CD164: variants seen among roughly 807,000 people sequenced by gnomAD.
CD164 encodes CD164 molecule.
CD164 carries 11 observed loss-of-function variants against 24.6 expected under a neutral mutation model. The observed-to-expected ratio is 0.45, with a 90% CI of 0.28 to 0.74. CD164 has a LOEUF of 0.74. Ranked by LOEUF, CD164 falls within the 30% of genes least tolerant of loss-of-function variation. The pLI, the probability that CD164 is intolerant of heterozygous loss-of-function variation, is 0.13. For synonymous variants in CD164, 126 were observed against 100.3 expected (o/e 1.26, Z -1.53); for missense variants, 295 against 243.7 (o/e 1.21, Z -1.40).
intron 1 of CD164, chr6:109,381,672 C>G (rs1279927839): frequency 1.5e-6 from 1 of 681,402 alleles, no homozygotes; most frequent in Non-Finnish European, 2.7e-6. Context: ...CTCAAGCGAC[C>G]TTCTCAGACT....
Position 109,377,219 on chromosome 6 carries a change from A to C in CD164, c.331+681T>G, listed in dbSNP as rs139244324. 2.6e-3 allele frequency among the ~76,000 whole-genome samples: 394 copies of C among 152,388 alleles called. 1 individual carries two copies. The highest frequency in any genetic ancestry group is 9.1e-3 in the African/African-American group (377 of 41,596). Reference sequence around the variant, plus strand: ...TCTAATACTAATGAAATGTTCAGTTACAAAATTCACATTGGGATGGGGCAA... The same window carrying C: ...TCTAATACTAATGAAATGTTCAGTTCCAAAATTCACATTGGGATGGGGCAA... On this transcript the variant is annotated intron_variant, in intron 3 of 5. Coordinates refer to ENST00000310786, the MANE Select transcript of CD164 (RefSeq NM_006016.6).
At position 109,368,904 on chromosome 6, in the gene CD164, A is replaced by C; in HGVS notation, c.541T>G (p.Phe181Val). 7 of 1,613,646 alleles carry C rather than the reference A, an allele frequency of 4.3e-6. No homozygotes were observed. Among genetic ancestry groups the C allele is most frequent in the Non-Finnish European group, 5.9e-6 (7 of 1,179,838 alleles). ...GATTTGCAGAATTTATAAAGAAAGA[A>C]AATTACAGCCTGCACACCCAAGACC... Reference protein sequence around the residue: ...VLVLGVQAVIFFLYKFCKSKE... With the variant: ...VLVLGVQAVIVFLYKFCKSKE... Residue 181 changes from phenylalanine (F) to valine (V), a missense_variant, in exon 6 of 6, where the codon TTC becomes GTC. Physicochemically the swap from Phe to Val is conservative, Grantham distance 50. Coordinates refer to ENST00000310786, the MANE Select transcript of CD164 (RefSeq NM_006016.6).
At position 109,368,593 on chromosome 6, in the gene CD164, T is replaced by C. The variant is rs75406907; in HGVS notation, c.*258A>G. On this transcript the variant is annotated 3_prime_UTR_variant, in exon 6 of 6. Coordinates refer to ENST00000310786, the MANE Select transcript of CD164 (RefSeq NM_006016.6). ...TATTTGGCATGTTAAGGAAAAAAAA[T>C]ATAATCCCACAGCAGCAGCTATTTA... is the stretch of plus-strand genomic sequence containing the variant. 2.1e-4 allele frequency: 284 copies of C among 1,344,514 alleles called. 1 individual carries two copies. The African/African-American group carries it at 3.8e-3, about 18-fold the overall frequency. The allele number at this position is 1,344,514 out of a possible 1,614,324, so 83.3% of individuals were successfully genotyped here.
chr6:109,367,215 A>C lies in CD164; in HGVS notation c.*1636T>G, dbSNP rs953919831. Reference sequence around the variant, plus strand: ...ATTAAGGCACTTGAAAACATTAAGTATATGTACAAATGTGCAAGTAAAACA... The same window carrying C: ...ATTAAGGCACTTGAAAACATTAAGTCTATGTACAAATGTGCAAGTAAAACA... On this transcript the variant is annotated 3_prime_UTR_variant, in exon 6 of 6. Coordinates refer to ENST00000310786, the MANE Select transcript of CD164 (RefSeq NM_006016.6). The C allele has an allele frequency of 6.6e-6, 1 of 152,616 alleles. No homozygotes were observed. Among genetic ancestry groups the C allele is most frequent in the Non-Finnish European group, 1.5e-5 (1 of 68,020 alleles). 9.5% of individuals were successfully genotyped at this position (152,616 alleles called of 1,614,324 possible). A position where few individuals can be genotyped will look rare whatever the true frequency, so the allele number is the denominator to read the frequency against.
chr6:109,382,140 G>A (rs1486480128), intron 1 of CD164, 64 bp downstream of exon 1: 1 of 1,321,328 alleles, frequency 7.6e-7, no homozygotes, highest in East Asian at 3.1e-5. Flanking sequence ...CGCCCGCACG[G>A]CGAGGAGGCA....
chr6:109,381,531 G>A (rs1331894392), intron 1 of CD164: 3 of 702,564 alleles, frequency 4.3e-6, no homozygotes, highest in Admixed American at 2.0e-5. Context: ...GGATACGTAC[G>A]CAAAACACCC....
chr6:109,377,995 G>C, intron 2 of CD164, 24 bp from the exon 3 acceptor site: 1 of 1,582,296 alleles, frequency 6.3e-7, no homozygotes, highest in Non-Finnish European at 8.7e-7. Context: ...GGGGAAAAGA[G>C]ACAAACAGCA....
In CD164 at chr6:109,382,354, G is replaced by A. The variant is rs761993548; in HGVS notation, c.25C>T (p.Leu9Phe). The A allele has an allele frequency of 1.9e-6, 3 of 1,558,170 alleles. No homozygotes were observed. The highest frequency in any genetic ancestry group is 3.8e-5 in the Admixed American group (2 of 53,020). ...ACGCCCAGGCAGGTGGCGGCCCAAA[G>A]CAGTGAGCGGGAGAGCCGCGACATC... Reference protein sequence around the residue: MSRLSRSLLWAATCLGVLC... With the variant: MSRLSRSLFWAATCLGVLC... Residue 9 changes from leucine (L) to phenylalanine (F), a missense_variant, in exon 1 of 6, where the codon CTT becomes TTT. Physicochemically the swap from Leu to Phe is conservative, Grantham distance 22. Coordinates refer to ENST00000310786, the MANE Select transcript of CD164 (RefSeq NM_006016.6).
In CD164 at chr6:109,382,258, T is replaced by C. The variant is rs773222610; in HGVS notation, c.121A>G (p.Asn41Asp). ...PNVTTLAPIS[N>D]VTSAPVTSLP... ...GACGTCACCGGCGCCGAGGTTACGT[T>C]GGAGATGGGCGCTAAAGTCGTCACG... Residue 41 changes from asparagine (N) to aspartate (D), a missense_variant, in exon 1 of 6, where the codon AAC becomes GAC. Asn to Asp is a conservative substitution (Grantham distance 23). Coordinates refer to ENST00000310786, the MANE Select transcript of CD164 (RefSeq NM_006016.6). 2 of 1,589,318 alleles carry C rather than the reference T, an allele frequency of 1.3e-6. No homozygotes were observed. Among genetic ancestry groups the C allele is most frequent in the African/African-American group, 1.3e-5 (1 of 74,460 alleles).
intron 2 of CD164, among the ~76,000 whole-genome samples, chr6:109,378,459 G>A (rs773016651): frequency 6.0e-5 from 9 of 151,098 alleles, no homozygotes; most frequent in East Asian, 5.8e-4. Flanking sequence ...AAAAAAAGGC[G>A]GAGACAGTAA....
intron 2 of CD164, among the ~76,000 whole-genome samples, chr6:109,379,049 A>G (rs1261987059): frequency 2.0e-5 from 3 of 152,218 alleles, no homozygotes; most frequent in Admixed American, 2.0e-4. Context: ...TGTATTAACA[A>G]AAGCACAGGA....
At chr6:109,369,074 T>C (rs1008201271) in intron 5 of CD164, 57 bp from the exon 6 acceptor site, 2 of 1,453,160 alleles carry the variant, frequency 1.4e-6, no homozygotes, top group African/African-American at 2.9e-5. Context: ...TCTATTGTAA[T>C]TTAAAGATGC....
intron 4 of CD164, among the ~76,000 whole-genome samples, chr6:109,373,660 A>G (rs573856890): frequency 1.3e-5 from 2 of 152,146 alleles, no homozygotes; most frequent in South Asian, 4.1e-4. Context: ...CCTGCACCCC[A>G]TTTTCTTTTC....
In CD164 at chr6:109,368,531, G is replaced by C. The variant is rs554606303; in HGVS notation, c.*320C>G. ...ACTGCCAAGAGCCATGATGTTGTCT[G>C]CACAAGACAACATTTTCCATCACTT... On this transcript the variant is annotated 3_prime_UTR_variant, in exon 6 of 6. Transcript: ENST00000310786. The C allele has an allele frequency of 5.5e-4, 741 of 1,347,104 alleles. 2 individuals are homozygous for C. In the African/African-American group the frequency reaches 0.01, roughly 19 times the overall value. The allele number at this position is 1,347,104 out of a possible 1,614,324, so 83.4% of individuals were successfully genotyped here.
intron 4 of CD164, 41 bp from the exon 5 acceptor site, chr6:109,370,508 T>G (rs1771020442): frequency 6.5e-7 from 1 of 1,535,986 alleles, no homozygotes; most frequent in Middle Eastern, 1.7e-4. Context: ...AACCTTAAAT[T>G]TCTAGCTTCC....
At chr6:109,370,345 G>A (rs1582469101) in intron 5 of CD164, 66 bp downstream of exon 5, 1 of 1,304,920 alleles carries the variant, frequency 7.7e-7, no homozygotes, top group Non-Finnish European at 1.1e-6. Context: ...AATGATGGCA[G>A]AAATTGTAAA....
chr6:109,379,013 G>A (rs976160285), intron 2 of CD164, among the ~76,000 whole-genome samples: 1 of 152,118 alleles, frequency 6.6e-6, no homozygotes, highest in African/African-American at 2.4e-5. Flanking sequence ...GAATTTCAAT[G>A]TACGTCCCTT....
At position 109,368,155 on chromosome 6, in the gene CD164, CAT is replaced by C. The variant is rs1412179080; in HGVS notation, c.*694_*695del. 2 of 898,404 alleles carry C rather than the reference CAT, an allele frequency of 2.2e-6. No individual in the cohort carries two copies. The highest frequency in any genetic ancestry group is 3.2e-6 in the Non-Finnish European group (2 of 616,928). 55.7% of individuals were successfully genotyped at this position (898,404 alleles called of 1,614,324 possible). A position where few individuals can be genotyped will look rare whatever the true frequency, so the allele number is the denominator to read the frequency against. On this transcript the variant is annotated 3_prime_UTR_variant, in exon 6 of 6. Transcript: ENST00000310786. ...CCTTCCTTAATGTCAAAGAACAAATCATAGACATTAAGCTAGAGCTTACCTTT... is the reference window on the plus strand; with the variant it reads ...CCTTCCTTAATGTCAAAGAACAAATCAGACATTAAGCTAGAGCTTACCTTT...
intron 5 of CD164, among the ~76,000 whole-genome samples, chr6:109,369,911 G>A (rs1478955886): frequency 6.6e-6 from 1 of 152,146 alleles, no homozygotes; most frequent in African/African-American, 2.4e-5. Context: ...AATTAAATTA[G>A]ATTATGTCAA....
Sources: allele counts gnomAD v4.1 joint callset (sites outside exome capture counted in the v4.1 genomes callset), GRCh38; gene constraint gnomAD v4.1.1; transcripts MANE v1.5; gene names NCBI Gene and HGNC (gene_info 2026-07-23, HGNC 2026-07-21).